Variants in SOX5 observed in about 807,000 individuals in gnomAD.
The protein encoded by SOX5 is transcription factor SOX-5.
SOX5 carries 9 observed loss-of-function variants against 92.0 expected under a neutral mutation model. The observed-to-expected ratio is 0.10, with a 90% confidence interval of 0.06 to 0.17. The LOEUF (loss-of-function observed/expected upper bound fraction) is 0.17, where lower values mean the gene tolerates loss of function less well. Among genes scored for constraint, SOX5 ranks in the 10% least tolerant of loss-of-function variants. The probability of loss-of-function intolerance (pLI) is 1.00; values close to 1 mark genes in which losing one functional copy is unlikely to be tolerated. For synonymous variants in SOX5, 344 were observed against 336.3 expected (o/e 1.02, Z -0.25); for missense variants, 642 against 944.5 (o/e 0.68, Z 4.20).
intron 3 of SOX5, among the ~76,000 whole-genome samples, chr12:23,814,286 T>G: frequency 6.6e-6 from 1 of 152,206 alleles, no homozygotes; most frequent in Middle Eastern, 3.2e-3. Context: ...ACATACTTGC[T>G]GGTAACTAAC....
At position 23,806,655 on chromosome 12, in the gene SOX5, G is replaced by GA. The variant is rs1386419642; in HGVS notation, c.481+39327dup. Among the ~76,000 whole-genome samples the GA allele has an allele frequency of 1.0e-2, 1,380 of 138,232 alleles. 10 individuals carry two copies. Among genetic ancestry groups the GA allele is most frequent in the Middle Eastern group, 0.033 (9 of 276 alleles). 90.7% of individuals were successfully genotyped at this position (138,232 alleles called of 152,430 possible). On this transcript the variant is annotated intron_variant, in intron 3 of 14. Coordinates refer to ENST00000451604, the MANE Select transcript of SOX5 (RefSeq NM_006940.6). The stretch of plus-strand genomic sequence containing the variant: ...CATAGCATCACAGAATAGTGGAGTG[G>GA]AAAAAAAAAAAAAGACAGGGATTTA...
chr12:24,317,948 C>T (rs560058499), intron 2 of SOX5, among the ~76,000 whole-genome samples: 2 of 152,282 alleles, frequency 1.3e-5, no homozygotes, highest in East Asian at 1.9e-4. Flanking sequence ...TGGTGGCTCA[C>T]GCCTGTAATC....
chr12:23,993,197 A>G (rs1292174144), intron 4 of SOX5, among the ~76,000 whole-genome samples: 2 of 152,214 alleles, frequency 1.3e-5, no homozygotes, highest in African/African-American at 2.4e-5. Context: ...CATATGAGAT[A>G]GATAATCAAT....
At chr12:23,794,273 A>C (rs2095526288) in intron 3 of SOX5, among the ~76,000 whole-genome samples, 1 of 152,130 alleles carries the variant, frequency 6.6e-6, no homozygotes, top group Non-Finnish European at 1.5e-5. Context: ...TTACTTAAAT[A>C]AACGTTTATA....
At chr12:23,701,659 C>G (rs2140215088) in intron 6 of SOX5, among the ~76,000 whole-genome samples, 1 of 152,066 alleles carries the variant, frequency 6.6e-6, no homozygotes, top group Admixed American at 6.6e-5. Flanking sequence ...AAAATGTAAA[C>G]AGGATCGTTA....
intron 6 of SOX5, among the ~76,000 whole-genome samples, chr12:23,667,379 C>T (rs1231397185): frequency 6.6e-6 from 1 of 152,052 alleles, no homozygotes; most frequent in Non-Finnish European, 1.5e-5. Context: ...AATTCTGGAG[C>T]TTTTATTAAA....
chr12:24,085,693 A>G (rs990660714), intron 4 of SOX5, among the ~76,000 whole-genome samples: 1 of 152,048 alleles, frequency 6.6e-6, no homozygotes, highest in Non-Finnish European at 1.5e-5. Flanking sequence ...AAGATGTCTC[A>G]CCAACGTAAT....
At chr12:23,722,922 C>T (rs1462456901) in intron 6 of SOX5, among the ~76,000 whole-genome samples, 4 of 152,110 alleles carry the variant, frequency 2.6e-5, no homozygotes, top group Admixed American at 6.6e-5. Context: ...GAAGCAAACA[C>T]GTTTTGACTG....
chr12:24,109,632 A>C (rs2138115311), intron 4 of SOX5, among the ~76,000 whole-genome samples: 1 of 152,282 alleles, frequency 6.6e-6, no homozygotes, highest in South Asian at 2.1e-4. Context: ...CACTAGGGGG[A>C]TCATTACACA....
Position 23,882,290 on chromosome 12 carries a change from A to AC in SOX5, c.270+13502_270+13503insG, listed in dbSNP as rs1202774236. 5.9e-5 allele frequency among the ~76,000 whole-genome samples: 9 copies of AC among 152,256 alleles called. No individual in the cohort carries two copies. The East Asian group carries it at 1.2e-3, about 20-fold the overall frequency. On this transcript the variant is annotated intron_variant, in intron 2 of 14. Transcript: ENST00000451604. ...CACGATAATAATAAATGAAGGACTG[A>AC]ATCTTTCACAGTACCTCTAAAATCC... is the stretch of plus-strand genomic sequence containing the variant.
At chr12:24,207,268 T>C (rs1958118157) in intron 4 of SOX5, among the ~76,000 whole-genome samples, 1 of 152,134 alleles carries the variant, frequency 6.6e-6, no homozygotes, top group East Asian at 1.9e-4. Context: ...CTTGAGGAAA[T>C]GTAGTCTGAG....
chr12:23,534,014 ATTGTTGTTTGC>A lies in SOX5; in HGVS notation c.*194_*204del, dbSNP rs894567731. 5.9e-6 allele frequency: 3 copies of A among 504,814 alleles called. No homozygotes were observed. The Admixed American group carries it at 1.0e-4, about 17-fold the overall frequency. The allele number at this position is 504,814 out of a possible 1,614,324, so 31.3% of individuals were successfully genotyped here. A position where few individuals can be genotyped will look rare whatever the true frequency, so the allele number is the denominator to read the frequency against. On this transcript the variant is annotated 3_prime_UTR_variant, in exon 15 of 15. Transcript: ENST00000451604. The stretch of plus-strand genomic sequence containing the variant: ...CTTATTTCAATCTCTTGTTGTTGAT[ATTGTTGTTTGC>A]TTGTTGTATTTGTTTTTTCTTTCCA...
chr12:24,146,546 C>G (rs1285708460), intron 4 of SOX5, among the ~76,000 whole-genome samples: 1 of 151,816 alleles, frequency 6.6e-6, no homozygotes, highest in Non-Finnish European at 1.5e-5. Context: ...GTCTCAAACC[C>G]ATGACCTCCG....
chr12:24,495,182 A>G (rs1265395431), intron 1 of SOX5, among the ~76,000 whole-genome samples: 1 of 152,214 alleles, frequency 6.6e-6, no homozygotes, highest in Non-Finnish European at 1.5e-5. Context: ...GGCTACAACT[A>G]CAGAACTATC....
chr12:24,344,281 C>CAAAA (rs61660537), intron 2 of SOX5, among the ~76,000 whole-genome samples: 6 of 104,326 alleles, frequency 5.8e-5, no homozygotes, highest in African/African-American at 1.8e-4. Flanking sequence ...GACTCTGTCT[C>CAAAA]AAAAAAAAAA....
At chr12:23,996,987 G>T (rs773840802) in intron 4 of SOX5, among the ~76,000 whole-genome samples, 16 of 152,142 alleles carry the variant, frequency 1.1e-4, no homozygotes, top group Non-Finnish European at 1.5e-4. Context: ...TTCACCTTAA[G>T]AAAATGTTGA....
intron 1 of SOX5, among the ~76,000 whole-genome samples, chr12:24,507,545 T>C (rs550178299): frequency 6.6e-6 from 1 of 152,350 alleles, no homozygotes; most frequent in South Asian, 2.1e-4. Context: ...AAGTTTAATA[T>C]GTGGTACTTA....
chr12:24,417,742 A>G (rs1345214861), intron 1 of SOX5, among the ~76,000 whole-genome samples: 1 of 152,196 alleles, frequency 6.6e-6, no homozygotes, highest in Non-Finnish European at 1.5e-5. Context: ...CCTGGAGAAA[A>G]GGATAGACAA....
chr12:24,085,331 A>C (rs1224679425), intron 4 of SOX5, among the ~76,000 whole-genome samples: 1 of 152,038 alleles, frequency 6.6e-6, no homozygotes, highest in Non-Finnish European at 1.5e-5. Flanking sequence ...CCCCAGATAC[A>C]CTATCTCAGT....
Sources: gnomAD v4.1 joint callset for allele counts (sites outside exome capture counted in the v4.1 genomes callset) on GRCh38, gnomAD v4.1.1 for gene constraint, MANE v1.5 for transcripts, NCBI Gene and HGNC (gene_info 2026-07-23, HGNC 2026-07-21) for gene names.